EVI5: variants seen among roughly 807,000 people sequenced by gnomAD.
EVI5 encodes ecotropic viral integration site 5 protein homolog.
In EVI5, 73 loss-of-function variants were observed where a neutral mutation model predicts 112.0. The ratio of observed to expected loss-of-function variants is 0.65; its 90% CI spans 0.54 to 0.79. EVI5 has a LOEUF of 0.79. Ranked by LOEUF, EVI5 falls within the 30% of genes least tolerant of loss-of-function variation. EVI5 has a pLI of 0.00. For synonymous variants in EVI5, 305 were observed against 319.9 expected, an observed-to-expected ratio of 0.95 and a Z score of 0.50; for missense variants, 900 against 968.8, an observed-to-expected ratio of 0.93 and a Z score of 0.94.
At chr1:92,630,774 T>TTTTC (rs1242678363) in intron 14 of EVI5, among the ~76,000 whole-genome samples, 1 of 152,188 alleles carries the variant, frequency 6.6e-6, no homozygotes, top group Non-Finnish European at 1.5e-5. Flanking sequence ...ACTGCCTAGG[T>TTTTC]TTTCTTCTAG....
intron 14 of EVI5, among the ~76,000 whole-genome samples, chr1:92,631,399 C>A (rs985454018): frequency 1.3e-5 from 2 of 152,094 alleles, no homozygotes; most frequent in Non-Finnish European, 2.9e-5. Context: ...CCTTCACATC[C>A]CTTGTAAGTT....
chr1:92,650,104 GA>G (rs1334302049), intron 13 of EVI5, among the ~76,000 whole-genome samples: 1 of 152,106 alleles, frequency 6.6e-6, no homozygotes, highest in African/African-American at 2.4e-5. Flanking sequence ...TTACAAATCA[GA>G]AAGTGTGAGT....
chr1:92,603,812 T>C (rs1649736610), intron 18 of EVI5, among the ~76,000 whole-genome samples: 1 of 152,090 alleles, frequency 6.6e-6, no homozygotes, highest in African/African-American at 2.4e-5. Flanking sequence ...TACTGCAGCC[T>C]TGACCTCCCA....
At chr1:92,590,700 T>C (rs1279394142) in intron 18 of EVI5, among the ~76,000 whole-genome samples, 1 of 152,114 alleles carries the variant, frequency 6.6e-6, no homozygotes, top group Non-Finnish European at 1.5e-5. Context: ...CAGGATACTA[T>C]CCAGGAGAAC....
At chr1:92,771,343 T>C (rs1012154481) in intron 1 of EVI5, among the ~76,000 whole-genome samples, 2 of 152,048 alleles carry the variant, frequency 1.3e-5, no homozygotes, top group Admixed American at 6.5e-5. Flanking sequence ...AGATATCTCA[T>C]ACTTCCTTTA....
intron 14 of EVI5, among the ~76,000 whole-genome samples, chr1:92,628,705 G>T (rs1200104869): frequency 1.3e-5 from 2 of 152,120 alleles, no homozygotes; most frequent in Non-Finnish European, 2.9e-5. Flanking sequence ...TAGATAAAAA[G>T]GTAAACTGAG....
chr1:92,731,275 A>T (rs1312459779), intron 2 of EVI5, among the ~76,000 whole-genome samples: 2 of 152,218 alleles, frequency 1.3e-5, no homozygotes, highest in Non-Finnish European at 2.9e-5. Flanking sequence ...GTGAGCAGAG[A>T]TCACACCACT....
chr1:92,553,294 C>A (rs1046344376), intron 19 of EVI5, among the ~76,000 whole-genome samples: 2 of 129,002 alleles, frequency 1.6e-5, no homozygotes, highest in African/African-American at 5.9e-5. Context: ...CCACACCTGG[C>A]CAATTTTTTT....
chr1:92,608,706 A>G (rs925806611), intron 16 of EVI5, among the ~76,000 whole-genome samples: 6 of 60,778 alleles, frequency 9.9e-5, no homozygotes, highest in South Asian at 8.3e-4. Context: ...TGTCTCAGAG[A>G]AAAAAAAAGG....
intron 1 of EVI5, among the ~76,000 whole-genome samples, chr1:92,737,766 C>T (rs974951660): frequency 6.6e-6 from 1 of 152,056 alleles, no homozygotes; most frequent in Non-Finnish European, 1.5e-5. Flanking sequence ...ATTCCATGTA[C>T]GGAAAGGATA....
chr1:92,775,513 T>C (rs1006077970), intron 1 of EVI5, among the ~76,000 whole-genome samples: 4 of 152,124 alleles, frequency 2.6e-5, no homozygotes, highest in African/African-American at 9.7e-5. Flanking sequence ...CAAGTACCAC[T>C]GTGTTACAAC....
At chr1:92,666,958 GGA>G (rs1665016081) in intron 10 of EVI5, among the ~76,000 whole-genome samples, 2 of 152,182 alleles carry the variant, frequency 1.3e-5, no homozygotes, top group Admixed American at 6.5e-5. Context: ...TGAAGAAACA[GGA>G]GATCTAAAAA....
At chr1:92,526,692 G>C (rs1661936037) in intron 19 of EVI5, among the ~76,000 whole-genome samples, 1 of 152,158 alleles carries the variant, frequency 6.6e-6, no homozygotes, top group Non-Finnish European at 1.5e-5. Context: ...AGGAGTTCAG[G>C]AAGGAGAAGA....
chr1:92,519,356 G>C (rs1230967089), intron 19 of EVI5, among the ~76,000 whole-genome samples: 2 of 152,122 alleles, frequency 1.3e-5, no homozygotes, highest in Admixed American at 1.3e-4. Context: ...ATTTCTTCAA[G>C]AAGATGAAAT....
At chr1:92,788,403 G>T (rs1685815106), upstream of EVI5, among the ~76,000 whole-genome samples, 3 of 151,956 alleles carry the variant, frequency 2.0e-5, no homozygotes, top group South Asian at 6.2e-4. Flanking sequence ...GAACCCGGGG[G>T]GCGGAGGTTG....
chr1:92,540,286 C>T (rs978744098), intron 19 of EVI5, among the ~76,000 whole-genome samples: 7 of 152,136 alleles, frequency 4.6e-5, no homozygotes, highest in Admixed American at 3.9e-4. Context: ...AGTGGCTGTA[C>T]CATTTTACCT....
intron 1 of EVI5, among the ~76,000 whole-genome samples, chr1:92,746,634 G>A (rs1027107115): frequency 3.3e-5 from 5 of 152,140 alleles, no homozygotes; most frequent in Admixed American, 3.3e-4. Flanking sequence ...GCTGAGGTGG[G>A]AGGATGACTT....
chr1:92,553,523 G>A (rs779010631), intron 19 of EVI5, among the ~76,000 whole-genome samples: 19 of 151,656 alleles, frequency 1.3e-4, no homozygotes, highest in Middle Eastern at 6.8e-3. Context: ...GGCTGTTCTC[G>A]AACTCCTGAT....
At chr1:92,726,738 A>G (rs892242428) in intron 2 of EVI5, among the ~76,000 whole-genome samples, 2 of 152,172 alleles carry the variant, frequency 1.3e-5, no homozygotes, top group East Asian at 3.8e-4. Flanking sequence ...TGTAGAGTTT[A>G]TAACACATAT....
Sources: gnomAD v4.1 joint callset for allele counts (sites outside exome capture counted in the v4.1 genomes callset) on GRCh38, gnomAD v4.1.1 for gene constraint, MANE v1.5 for transcripts, NCBI Gene and HGNC (gene_info 2026-07-23, HGNC 2026-07-21) for gene names.